Variants in NSG2 observed in about 807,000 individuals in gnomAD.
The protein encoded by NSG2 is neuronal vesicle trafficking associated 2.
A neutral mutation model predicts 16.9 loss-of-function variants in NSG2; 4 were observed. The observed-to-expected ratio is 0.24, with a 90% CI of 0.12 to 0.54. NSG2 has a LOEUF of 0.54. Among genes scored for constraint, NSG2 ranks in the 20% least tolerant of loss-of-function variants. NSG2 has a pLI of 0.95. For synonymous variants in NSG2, 98 were observed against 88.7 expected (o/e 1.11, Z -0.59); for missense variants, 179 against 221.1 (o/e 0.81, Z 1.21).
intron 3 of NSG2, among the ~76,000 whole-genome samples, chr5:174,071,714 G>C (rs1465713669): frequency 6.6e-6 from 1 of 152,190 alleles, no homozygotes; most frequent in Non-Finnish European, 1.5e-5. Context: ...AGGCTGGCGG[G>C]ATTGTTACCC....
rs1761012351 is a variant in NSG2, at chr5:174,107,948, G to T, written c.*443G>T. On this transcript the variant is annotated 3_prime_UTR_variant, in exon 5 of 5. Coordinates refer to ENST00000303177, the MANE Select transcript of NSG2 (RefSeq NM_015980.5). The surrounding 1 kb of genome is among the most constrained non-coding windows in gnomAD (Gnocchi z 4.5). The stretch of plus-strand genomic sequence containing the variant: ...ATAAGAAAACGTAGCTTCAGTGGGG[G>T]CTCCAGGGTTGCAGAGTATGAGTGA... The T allele has an allele frequency of 5.5e-6, 2 of 365,580 alleles. No individual in the cohort carries two copies. The highest frequency in any genetic ancestry group is 4.2e-5 in the South Asian group (2 of 47,786). 22.6% of individuals were successfully genotyped at this position (365,580 alleles called of 1,614,324 possible). A position where few individuals can be genotyped will look rare whatever the true frequency, so the allele number is the denominator to read the frequency against.
chr5:174,072,063 C>T lies in NSG2; in HGVS notation c.213+7748C>T, dbSNP rs1009338883. Among the ~76,000 whole-genome samples, 6 of 152,154 alleles carry T rather than the reference C, an allele frequency of 3.9e-5. No individual in the cohort carries two copies. Among genetic ancestry groups the T allele is most frequent in the Admixed American group, 1.3e-4 (2 of 15,272 alleles). On this transcript the variant is annotated intron_variant, in intron 3 of 4. Coordinates refer to ENST00000303177, the MANE Select transcript of NSG2 (RefSeq NM_015980.5). This position sits in a 1 kb window ranked among gnomAD's most constrained non-coding sequence, Gnocchi z 4.0. ...AGAAACCAGCCTCCTCAGTGCTGGC[C>T]GCTGCACCTAGCAGCCATAGAGCCA...
intron 3 of NSG2, among the ~76,000 whole-genome samples, chr5:174,091,644 GGT>G (rs35746227): frequency 0.54 from 75,654 of 139,414 alleles, 20,725 homozygotes; most frequent in Non-Finnish European, 0.64. Context: ...AACTAGGACT[GGT>G]GTGTGTGTGT....
Position 174,107,846 on chromosome 5 carries a change from G to A in NSG2, c.*341G>A. 4 of 457,872 alleles carry A rather than the reference G, an allele frequency of 8.7e-6. No individual in the cohort carries two copies. Among genetic ancestry groups the A allele is most frequent in the Admixed American group, 5.2e-5 (2 of 38,550 alleles). 28.4% of individuals were successfully genotyped at this position (457,872 alleles called of 1,614,324 possible). A position where few individuals can be genotyped will look rare whatever the true frequency, so the allele number is the denominator to read the frequency against. ...AGAAAAGGAAAGAAACAAAGAACAT[G>A]AACAAAAAGCATTAAACTGGCTCCA... On this transcript the variant is annotated 3_prime_UTR_variant, in exon 5 of 5. Coordinates refer to ENST00000303177, the MANE Select transcript of NSG2 (RefSeq NM_015980.5). This position sits in a 1 kb window ranked among gnomAD's most constrained non-coding sequence, Gnocchi z 4.5.
intron 3 of NSG2, chr5:174,084,148 A>AT (rs796486774): frequency 6.6e-5 from 10 of 152,000 alleles, no homozygotes; most frequent in African/African-American, 2.2e-4. Flanking sequence ...CTCCATTACT[A>AT]TTTTTCTCAT....
Position 174,073,782 on chromosome 5 carries a change from G to A in NSG2, c.213+9467G>A, listed in dbSNP as rs184356828. 2.1e-3 allele frequency among the ~76,000 whole-genome samples: 325 copies of A among 152,240 alleles called. 1 individual carries two copies. Among genetic ancestry groups the A allele is most frequent in the African/African-American group, 7.6e-3 (314 of 41,536 alleles). ...AATGACCACCCCATCGCAAAAGGATGGGCTTTTATTACCGGCTTTACATTC... is the reference window on the plus strand; with the variant it reads ...AATGACCACCCCATCGCAAAAGGATAGGCTTTTATTACCGGCTTTACATTC... On this transcript the variant is annotated intron_variant, in intron 3 of 4. Coordinates refer to ENST00000303177, the MANE Select transcript of NSG2 (RefSeq NM_015980.5).
intron 3 of NSG2, 44 bp from the exon 4 acceptor site, chr5:174,104,184 G>A (rs770639324): frequency 1.1e-5 from 15 of 1,408,102 alleles, no homozygotes; most frequent in Middle Eastern, 1.8e-4. Context: ...GGGACTGAAG[G>A]TGGGCAGACT....
chr5:174,083,057 G>A (rs996324836), intron 3 of NSG2, among the ~76,000 whole-genome samples: 3 of 152,100 alleles, frequency 2.0e-5, no homozygotes, highest in African/African-American at 4.8e-5. Flanking sequence ...CCACTCCAAC[G>A]TCCACACCCT....
intron 2 of NSG2, among the ~76,000 whole-genome samples, chr5:174,052,546 G>T (rs1759907692): frequency 6.6e-6 from 1 of 152,146 alleles, no homozygotes; most frequent in South Asian, 2.1e-4. Context: ...CTCAAATCTA[G>T]GTGGCTTTCT....
chr5:174,066,315 G>A (rs1217614697), intron 3 of NSG2: 2 of 450,846 alleles, frequency 4.4e-6, no homozygotes, highest in Admixed American at 2.4e-5. Context: ...TTGCAGGAGA[G>A]GCCTGGGGTA....
At position 174,047,778 on chromosome 5, in the gene NSG2, AAT is replaced by A. The variant is rs750292799; in HGVS notation, c.129+896_129+897del. ...GGGGGTTATGGACACAGAAGGGAGA[AAT>A]AGTATCATTTCAGGTCCACCTGAGA... On this transcript the variant is annotated intron_variant, in intron 2 of 4. Coordinates refer to ENST00000303177, the MANE Select transcript of NSG2 (RefSeq NM_015980.5). Among the ~76,000 whole-genome samples the A allele has an allele frequency of 2.8e-4, 43 of 152,164 alleles. 1 individual carries two copies. Among genetic ancestry groups the A allele is most frequent in the Non-Finnish European group, 4.7e-4 (32 of 68,030 alleles).
At chr5:174,050,824 T>C (rs1418320193) in intron 2 of NSG2, among the ~76,000 whole-genome samples, 1 of 151,988 alleles carries the variant, frequency 6.6e-6, no homozygotes, top group Non-Finnish European at 1.5e-5. Flanking sequence ...AGCAGCAGGC[T>C]CCTGAGTTGC....
intron 3 of NSG2, among the ~76,000 whole-genome samples, chr5:174,070,390 G>T (rs1760217936): frequency 6.6e-6 from 1 of 152,274 alleles, no homozygotes; most frequent in East Asian, 1.9e-4. Flanking sequence ...GCCAGGAAAT[G>T]TCAGAACAAA....
At chr5:174,074,593 C>T (rs914886065) in intron 3 of NSG2, among the ~76,000 whole-genome samples, 2 of 152,070 alleles carry the variant, frequency 1.3e-5, no homozygotes, top group African/African-American at 2.4e-5. Context: ...GAGAAATCTG[C>T]GATATCTCCC....
intron 3 of NSG2, among the ~76,000 whole-genome samples, chr5:174,083,411 G>A (rs765222875): frequency 2.6e-5 from 4 of 152,216 alleles, no homozygotes; most frequent in African/African-American, 4.8e-5. Context: ...AAAATCAATT[G>A]TGTTTCTCGG....
chr5:174,059,348 T>C (rs1395828357), intron 2 of NSG2, among the ~76,000 whole-genome samples: 1 of 152,160 alleles, frequency 6.6e-6, no homozygotes, highest in Non-Finnish European at 1.5e-5. Context: ...TAGTGTACAT[T>C]TGAGATGTTC....
rs182382671 is a variant in NSG2 at position 174,056,450 on chromosome 5, A to C, written c.130-7782A>C. The C allele has an allele frequency of 2.6e-5, 4 of 152,218 alleles. No homozygotes were observed. The East Asian group carries it at 7.7e-4, about 29-fold the overall frequency. The allele number at this position is 152,218 out of a possible 1,614,324, so 9.4% of individuals were successfully genotyped here. On this transcript the variant is annotated intron_variant, in intron 2 of 4. Coordinates refer to ENST00000303177, the MANE Select transcript of NSG2 (RefSeq NM_015980.5). ...AATGTAGCTCAACCCGAGGCCAGTC[A>C]TTTGATCACAGGCAAGCGACTGAAC...
In NSG2 at chr5:174,072,299, A is replaced by G. The variant is rs1201506489; in HGVS notation, c.213+7984A>G. On this transcript the variant is annotated intron_variant, in intron 3 of 4. Transcript: ENST00000303177. This position sits in a 1 kb window ranked among gnomAD's most constrained non-coding sequence, Gnocchi z 4.0. The stretch of plus-strand genomic sequence containing the variant: ...CCTCCATTGCTTACCTGCCTCTCCC[A>G]TAGGTGCATCCACCTCCCAGAAGCA... Among the ~76,000 whole-genome samples, 1 of 152,100 alleles carries G rather than the reference A, an allele frequency of 6.6e-6. No homozygotes were observed. Among genetic ancestry groups the G allele is most frequent in the East Asian group, 1.9e-4 (1 of 5,170 alleles).
intron 1 of NSG2, chr5:174,046,247 C>T (rs565187787): frequency 1.3e-5 from 2 of 154,102 alleles, no homozygotes; most frequent in South Asian, 2.0e-4. Context: ...ACAGGGTACA[C>T]ATTGAGACGT....
Sources: allele counts gnomAD v4.1 joint callset (sites outside exome capture counted in the v4.1 genomes callset), GRCh38; gene constraint gnomAD v4.1.1; non-coding constraint Gnocchi (gnomAD v3.1); transcripts MANE v1.5; gene names NCBI Gene and HGNC (gene_info 2026-07-23, HGNC 2026-07-21).